Variants in TBCD observed in about 807,000 individuals in gnomAD.
TBCD encodes tubulin-specific chaperone D.
A neutral mutation model predicts 169.3 loss-of-function variants in TBCD; 105 were observed. The observed-to-expected ratio is 0.62, with a 90% CI of 0.53 to 0.73. TBCD has a LOEUF of 0.73. Ranked by LOEUF, TBCD falls within the 30% of genes least tolerant of loss-of-function variation. The pLI is 0.00. For missense variants in TBCD, 1,444 were observed against 1,600.1 expected (o/e 0.90, Z 1.66); for synonymous variants, 700 against 643.9 (o/e 1.09, Z -1.32).
rs1330128836 is a variant in TBCD, at chr17:82,806,217, G to A, written c.1087+206G>A. Among the ~76,000 whole-genome samples, 1 of 152,050 alleles carries A rather than the reference G, an allele frequency of 6.6e-6. No homozygotes were observed. The highest frequency in any genetic ancestry group is 2.4e-5 in the African/African-American group (1 of 41,406). ...CATGGACAGTCTCTTCCTGTGTGCC[G>A]TAGAAGCCCTTTTTCCCACCGCCTC... is the stretch of plus-strand genomic sequence containing the variant. On this transcript the variant is annotated intron_variant, in intron 10 of 38. Coordinates refer to ENST00000355528, the MANE Select transcript of TBCD (RefSeq NM_005993.5). The surrounding 1 kb of genome is among the most constrained non-coding windows in gnomAD (Gnocchi z 5.1).
Position 82,907,831 on chromosome 17 carries a change from C to T in TBCD, c.1983+10C>T, listed in dbSNP as rs1242578175. On this transcript the variant is annotated intron_variant, in intron 21 of 38. Coordinates refer to ENST00000355528, the MANE Select transcript of TBCD (RefSeq NM_005993.5). ...GCAGATTCACCAGCAGGTTTGTGTG[C>T]AGCCTCTGGGTGTACCCTCAGGAGG... 6.2e-7 allele frequency: 1 copy of T among 1,612,790 alleles called. No individual in the cohort carries two copies. Among genetic ancestry groups the T allele is most frequent in the Non-Finnish European group, 8.5e-7 (1 of 1,179,318 alleles).
rs749909437 is a variant in TBCD, at chr17:82,768,472, T to C, written c.488T>C (p.Ile163Thr). ...LLLWLSVTCL[I>T]PFDFSRLDGN... ...CTCTGGCTCTCCGTGACCTGCCTGA[T>C]CCCTTTTGATTTTTCTCGCCTTGAC... Residue 163 changes from isoleucine (I) to threonine (T), a missense_variant, in exon 5 of 39, where the codon ATC becomes ACC. Physicochemically the swap from Ile to Thr is moderately conservative, Grantham distance 89. Transcript: ENST00000355528. The C allele has an allele frequency of 6.2e-7, 1 of 1,613,890 alleles. No homozygotes were observed. Among genetic ancestry groups the C allele is most frequent in the Non-Finnish European group, 8.5e-7 (1 of 1,179,880 alleles).
intron 13 of TBCD, among the ~76,000 whole-genome samples, chr17:82,837,234 A>G (rs1164173976): frequency 6.6e-6 from 1 of 152,206 alleles, no homozygotes; most frequent in Non-Finnish European, 1.5e-5. Flanking sequence ...ATAAGGATGA[A>G]GAAACCAAAC....
intron 8 of TBCD, among the ~76,000 whole-genome samples, chr17:82,799,722 C>T (rs1005033346): frequency 3.9e-5 from 6 of 152,160 alleles, no homozygotes; most frequent in African/African-American, 1.2e-4. Context: ...CCCGAGAACG[C>T]GAGCAGCCGT....
Position 82,758,531 on chromosome 17 carries a change from T to TG in TBCD, c.235+2317dup, listed in dbSNP as rs543914206. Among the ~76,000 whole-genome samples the TG allele has an allele frequency of 2.7e-4, 41 of 150,544 alleles. 1 individual carries two copies. The East Asian group carries it at 7.2e-3, about 26-fold the overall frequency. ...TCCTAAAGTGCTGGGATTTCAGGTGTGAGCCAGCGTGCCCAGCTGAGTTCA... is the reference window on the plus strand; with the variant it reads ...TCCTAAAGTGCTGGGATTTCAGGTGTGGAGCCAGCGTGCCCAGCTGAGTTCA... On this transcript the variant is annotated intron_variant, in intron 2 of 38. Transcript: ENST00000355528.
chr17:82,816,848 T>TA (rs35049574), intron 13 of TBCD, among the ~76,000 whole-genome samples: 26,167 of 115,524 alleles, frequency 0.23, 2,966 homozygotes, highest in East Asian at 0.42. Flanking sequence ...CCTGCTTCTT[T>TA]AAAAAAAAAA....
rs1046869812 is a variant in TBCD, at chr17:82,858,601, C to T, written c.1319-11623C>T. The T allele has an allele frequency of 5.1e-6, 5 of 985,248 alleles. No homozygotes were observed. The African/African-American group carries it at 8.7e-5, about 17-fold the overall frequency. The allele number at this position is 985,248 out of a possible 1,614,324, so 61.0% of individuals were successfully genotyped here. ...GTTGATGACAGTGCTGTGTGGACGG[C>T]CTGGTTCGCTGGGTGTGCCTCACAG... is the stretch of plus-strand genomic sequence containing the variant. On this transcript the variant is annotated intron_variant, in intron 13 of 38. Coordinates refer to ENST00000355528, the MANE Select transcript of TBCD (RefSeq NM_005993.5).
At chr17:82,840,603 G>GCCGGAGCTTGC (rs2054387817) in intron 13 of TBCD, 1 of 152,316 alleles carries the variant, frequency 6.6e-6, no homozygotes, top group African/African-American at 2.4e-5. Context: ...GCAGGGACCT[G>GCCGGAGCTTGC]CCGGAGCTTG....
intron 14 of TBCD, among the ~76,000 whole-genome samples, 189 bp from the exon 15 acceptor site, chr17:82,883,956 G>C (rs1223149032): frequency 6.6e-6 from 1 of 152,096 alleles, no homozygotes; most frequent in Non-Finnish European, 1.5e-5. Flanking sequence ...CCCACATGGC[G>C]TCTGGTGTCT....
intron 16 of TBCD, among the ~76,000 whole-genome samples, chr17:82,892,640 G>T (rs2059221064): frequency 6.6e-6 from 1 of 152,150 alleles, no homozygotes; most frequent in Non-Finnish European, 1.5e-5. Flanking sequence ...ATGGTCAAGT[G>T]CAGGGTGGTG....
At chr17:82,921,655 G>T in intron 25 of TBCD, 78 bp downstream of exon 25, 1 of 1,363,892 alleles carries the variant, frequency 7.3e-7, no homozygotes, top group South Asian at 1.2e-5. Flanking sequence ...TTGTGTTGGC[G>T]ACTGTGCATC....
intron 13 of TBCD, among the ~76,000 whole-genome samples, chr17:82,824,989 G>A (rs1471029295): frequency 4.0e-5 from 6 of 151,804 alleles, no homozygotes; most frequent in Non-Finnish European, 8.8e-5. Context: ...TTTGCTTTTA[G>A]AGATAGACAC....
At chr17:82,796,261 G>A (rs1298131337) in intron 7 of TBCD, among the ~76,000 whole-genome samples, 1 of 152,244 alleles carries the variant, frequency 6.6e-6, no homozygotes, top group Non-Finnish European at 1.5e-5. Flanking sequence ...CTCAGCAAGT[G>A]TTGGCTCTGT....
At chr17:82,854,452 C>T (rs964373687) in intron 13 of TBCD, among the ~76,000 whole-genome samples, 1 of 152,242 alleles carries the variant, frequency 6.6e-6, no homozygotes, top group Non-Finnish European at 1.5e-5. Context: ...TCCACATGGG[C>T]GAGACCTGTG....
chr17:82,894,923 G>A (rs1226631728), intron 17 of TBCD, among the ~76,000 whole-genome samples: 1 of 152,176 alleles, frequency 6.6e-6, no homozygotes, highest in African/African-American at 2.4e-5. Flanking sequence ...GCTGCAGTGA[G>A]CCGAGATCGT....
Position 82,789,190 on chromosome 17 carries a change from TCTC to T in TBCD, c.771+7473_771+7475del, listed in dbSNP as rs1048444866. ...GGTACCCCAGGCCACGCTGGTTCGG[TCTC>T]CTCGTGGCGTTAAGGAAAGACCTGG... On this transcript the variant is annotated intron_variant, in intron 7 of 38. Transcript: ENST00000355528. This position sits in a 1 kb window ranked among gnomAD's most constrained non-coding sequence, Gnocchi z 4.8. Among the ~76,000 whole-genome samples, 12 of 152,256 alleles carry T rather than the reference TCTC, an allele frequency of 7.9e-5. No homozygotes were observed. Among genetic ancestry groups the T allele is most frequent in the Non-Finnish European group, 1.5e-4 (10 of 68,020 alleles).
At position 82,884,221 on chromosome 17, in the gene TBCD, A is replaced by G; in HGVS notation, c.1533+19A>G. 6 of 1,591,704 alleles carry G rather than the reference A, an allele frequency of 3.8e-6. No homozygotes were observed. Among genetic ancestry groups the G allele is most frequent in the South Asian group, 1.1e-5 (1 of 87,626 alleles). On this transcript the variant is annotated intron_variant, in intron 15 of 38. Coordinates refer to ENST00000355528, the MANE Select transcript of TBCD (RefSeq NM_005993.5). This position sits in a 1 kb window ranked among gnomAD's most constrained non-coding sequence, Gnocchi z 4.2. Reference sequence around the variant, plus strand: ...AGCCTCTGTAAGTTTTCTCATTTTGATATTTCCTTTCCTGAAGGTGGGGGG... The same window carrying G: ...AGCCTCTGTAAGTTTTCTCATTTTGGTATTTCCTTTCCTGAAGGTGGGGGG...
At chr17:82,811,114 A>G (rs988282141) in intron 12 of TBCD, among the ~76,000 whole-genome samples, 46 of 152,298 alleles carry the variant, frequency 3.0e-4, no homozygotes, top group African/African-American at 1.0e-3. Flanking sequence ...GGCGACCTCC[A>G]GCCTTGTTTC....
intron 14 of TBCD, among the ~76,000 whole-genome samples, chr17:82,875,296 C>T (rs74000145): frequency 0.01 from 1,569 of 152,228 alleles, 20 homozygotes; most frequent in African/African-American, 0.035. Flanking sequence ...AATGGATTTC[C>T]CTGAGAAGCC....
Sources: allele counts gnomAD v4.1 joint callset (sites outside exome capture counted in the v4.1 genomes callset), GRCh38; gene constraint gnomAD v4.1.1; non-coding constraint Gnocchi (gnomAD v3.1); transcripts MANE v1.5; gene names NCBI Gene and HGNC (gene_info 2026-07-23, HGNC 2026-07-21).